NFATC1: variants seen among roughly 807,000 people sequenced by gnomAD.
NFATC1 encodes the protein nuclear factor of activated T-cells, cytoplasmic 1.
In NFATC1, 22 loss-of-function variants were observed where a neutral mutation model predicts 76.0. The ratio of observed to expected loss-of-function variants is 0.29; its 90% CI spans 0.21 to 0.41. The LOEUF (loss-of-function observed/expected upper bound fraction) is 0.41, where lower values mean the gene tolerates loss of function less well. Among genes scored for constraint, NFATC1 ranks in the 10% least tolerant of loss-of-function variants. The pLI, the probability that NFATC1 is intolerant of heterozygous loss-of-function variation, is 1.00. For missense variants in NFATC1, 1,357 were observed against 1,337.7 expected (o/e 1.01, Z -0.23); for synonymous variants, 704 against 613.1 (o/e 1.15, Z -2.19).
intron 6 of NFATC1, among the ~76,000 whole-genome samples, chr18:79,457,609 C>T (rs959136281): frequency 1.3e-5 from 2 of 152,224 alleles, no homozygotes; most frequent in Non-Finnish European, 2.9e-5. Flanking sequence ...GTGTATAATT[C>T]GGTGGGTTTT....
chr18:79,490,162 G>C (rs2089634827), intron 9 of NFATC1, among the ~76,000 whole-genome samples: 1 of 152,204 alleles, frequency 6.6e-6, no homozygotes, highest in Non-Finnish European at 1.5e-5. Context: ...GGGGCGCATG[G>C]CAGAGGAAGT....
chr18:79,528,134 A>G lies in NFATC1; in HGVS notation c.*557A>G. 5.1e-6 allele frequency: 2 copies of G among 395,542 alleles called. No homozygotes were observed. The highest frequency in any genetic ancestry group is 8.9e-6 in the Non-Finnish European group (2 of 224,766). The allele number at this position is 395,542 out of a possible 1,614,324, so 24.5% of individuals were successfully genotyped here. ...GAACGTTTCCTGGGCTGTCACGTAC[A>G]CTCCTGCTGCCTTACACAGTGCATT... is the stretch of plus-strand genomic sequence containing the variant. On this transcript the variant is annotated 3_prime_UTR_variant, in exon 10 of 10. Transcript: ENST00000427363.
intron 1 of NFATC1, chr18:79,400,368 G>GCCCCGA (rs746979864): frequency 3.0e-6 from 4 of 1,328,382 alleles, no homozygotes; most frequent in Admixed American, 7.6e-5. Context: ...CCCGGCTCCC[G>GCCCCGA]CCCCGGCCCC....
intron 2 of NFATC1, among the ~76,000 whole-genome samples, chr18:79,414,872 G>T (rs1009656127): frequency 7.2e-5 from 11 of 152,212 alleles, no homozygotes; most frequent in African/African-American, 2.7e-4. Flanking sequence ...GCCGGGCTGC[G>T]TCTGGAGGAG....
Position 79,451,776 on chromosome 18 carries a change from C to T in NFATC1, c.1863C>T (p.Phe621=). ...AGATGGTCCTGTCTGGCCACAACTTCCTGCAGGACTCCAAGGTCATTTTCG... is the reference window on the plus strand; with the variant it reads ...AGATGGTCCTGTCTGGCCACAACTTTCTGCAGGACTCCAAGGTCATTTTCG... ...GKKMVLSGHN[F]LQDSKVIFVE... is the part of the protein sequence containing the mutation. Residue 621 remains phenylalanine, a synonymous_variant, in exon 6 of 10, where the codon TTC becomes TTT. Transcript: ENST00000427363. The T allele has an allele frequency of 6.2e-7, 1 of 1,613,024 alleles. No homozygotes were observed. The highest frequency in any genetic ancestry group is 8.5e-7 in the Non-Finnish European group (1 of 1,179,596).
intron 7 of NFATC1, among the ~76,000 whole-genome samples, chr18:79,463,827 T>TGCGGGA (rs1568993391): frequency 5.8e-4 from 89 of 152,140 alleles, no homozygotes; most frequent in Admixed American, 1.4e-3. Context: ...TGCACGCGGG[T>TGCGGGA]TGCGGGATGC....
intron 1 of NFATC1, among the ~76,000 whole-genome samples, chr18:79,402,178 C>T (rs2085289412): frequency 6.6e-6 from 1 of 152,274 alleles, no homozygotes; most frequent in African/African-American, 2.4e-5. Flanking sequence ...CGGCATCCTC[C>T]TGTGACTGCA....
intron 9 of NFATC1, among the ~76,000 whole-genome samples, chr18:79,503,775 C>T (rs1031737173): frequency 6.6e-6 from 1 of 152,246 alleles, no homozygotes; most frequent in Non-Finnish European, 1.5e-5. Context: ...GCTGTTTTGT[C>T]TGCACAGAAA....
At chr18:79,522,861 A>G (rs2090651078) in intron 9 of NFATC1, among the ~76,000 whole-genome samples, 2 of 152,206 alleles carry the variant, frequency 1.3e-5, no homozygotes, top group African/African-American at 2.4e-5. Context: ...CCTAGTAAGT[A>G]CTGAAAGAAA....
At chr18:79,478,848 C>G (rs2089176011) in intron 8 of NFATC1, among the ~76,000 whole-genome samples, 1 of 152,218 alleles carries the variant, frequency 6.6e-6, no homozygotes, top group South Asian at 2.1e-4. Flanking sequence ...CCCAGAACAG[C>G]ACCAGGCATG....
intron 4 of NFATC1, among the ~76,000 whole-genome samples, chr18:79,449,825 G>A (rs1364841633): frequency 6.6e-6 from 1 of 152,222 alleles, no homozygotes; most frequent in Non-Finnish European, 1.5e-5. Context: ...GTCCCGCACG[G>A]TGAGGGAGAG....
chr18:79,420,061 C>T (rs966018049), intron 2 of NFATC1, among the ~76,000 whole-genome samples: 5 of 152,230 alleles, frequency 3.3e-5, no homozygotes, highest in Admixed American at 6.5e-5. Flanking sequence ...CACCGGACGC[C>T]GTGTGCACCT....
intron 1 of NFATC1, among the ~76,000 whole-genome samples, chr18:79,399,296 C>T (rs747040028): frequency 3.9e-5 from 6 of 152,252 alleles, no homozygotes; most frequent in Admixed American, 6.5e-5. Flanking sequence ...GGGAGAAGCC[C>T]GGGGACGACC....
chr18:79,452,412 C>CA (rs1413115732), intron 6 of NFATC1, among the ~76,000 whole-genome samples: 1 of 152,206 alleles, frequency 6.6e-6, no homozygotes, highest in Non-Finnish European at 1.5e-5. Flanking sequence ...CTTGGAAGGG[C>CA]AGCAGGGGTG....
intron 9 of NFATC1, among the ~76,000 whole-genome samples, chr18:79,494,806 C>T (rs1291885362): frequency 1.0e-5 from 1 of 96,190 alleles, no homozygotes; most frequent in East Asian, 3.1e-4. Flanking sequence ...CGACCTGGTA[C>T]CGCCGGGGGA....
chr18:79,447,502 G>A (rs376784125), intron 3 of NFATC1, among the ~76,000 whole-genome samples: 35 of 152,220 alleles, frequency 2.3e-4, no homozygotes, highest in East Asian at 5.8e-4. Flanking sequence ...CAGAGGGGTC[G>A]ACGCGTCCCA....
intron 6 of NFATC1, among the ~76,000 whole-genome samples, chr18:79,458,255 G>A (rs1025087661): frequency 6.6e-6 from 1 of 152,214 alleles, no homozygotes; most frequent in Non-Finnish European, 1.5e-5. Context: ...CCCCAGGGAC[G>A]CTCGCTTCTG....
intron 1 of NFATC1, among the ~76,000 whole-genome samples, chr18:79,398,510 T>G (rs918079483): frequency 2.6e-5 from 4 of 152,222 alleles, no homozygotes; most frequent in Non-Finnish European, 5.9e-5. Context: ...CTGAACCATT[T>G]GCAGGAAGGA....
chr18:79,419,815 G>C (rs944274660), intron 2 of NFATC1, among the ~76,000 whole-genome samples: 1 of 152,254 alleles, frequency 6.6e-6, no homozygotes, highest in South Asian at 2.1e-4. Context: ...CCGGGCAGCC[G>C]CAGGGACTTC....
Sources: gnomAD v4.1 joint callset for allele counts (sites outside exome capture counted in the v4.1 genomes callset) on GRCh38, gnomAD v4.1.1 for gene constraint, MANE v1.5 for transcripts, NCBI Gene and HGNC (gene_info 2026-07-23, HGNC 2026-07-21) for gene names.